COL18A1: variants seen among roughly 807,000 people sequenced by gnomAD.
The protein encoded by COL18A1 is collagen type XVIII alpha 1 chain.
COL18A1 carries 133 observed loss-of-function variants against 168.0 expected under a neutral mutation model. That is an observed-to-expected ratio of 0.79 (90% confidence interval 0.69 to 0.91). The LOEUF is 0.91. Ranked by LOEUF, COL18A1 falls within the 40% of genes least tolerant of loss-of-function variation. COL18A1 has a pLI of 0.00. For missense variants in COL18A1, 2,126 were observed against 1,925.4 expected (o/e 1.10, Z -1.95); for synonymous variants, 949 against 809.0 (o/e 1.17, Z -2.94).
intron 33 of COL18A1, 172 bp from the exon 34 acceptor site, chr21:45,504,244 T>C: frequency 1.1e-6 from 1 of 884,654 alleles, no homozygotes; most frequent in South Asian, 1.6e-5. Context: ...TTTGGGGGAC[T>C]CGGCTGATGC....
At chr21:45,429,447 C>T (rs544430622) in intron 2 of COL18A1, among the ~76,000 whole-genome samples, 6 of 152,282 alleles carry the variant, frequency 3.9e-5, no homozygotes, top group Admixed American at 1.3e-4. Context: ...AGTCAGCGGA[C>T]GTTGATTGGC....
intron 39 of COL18A1, 139 bp from the exon 40 acceptor site, chr21:45,509,925 T>C (rs775740400): frequency 4.1e-5 from 40 of 981,608 alleles, no homozygotes; most frequent in Middle Eastern, 3.2e-4. Flanking sequence ...GGCCCCTCAG[T>C]GTGTCACTTG....
intron 2 of COL18A1, among the ~76,000 whole-genome samples, chr21:45,445,075 C>G (rs1028556038): frequency 6.6e-6 from 1 of 152,212 alleles, no homozygotes; most frequent in Non-Finnish European, 1.5e-5. Context: ...TCATCCCCAT[C>G]GACCGTGGAA....
At chr21:45,475,866 A>G (rs934220680) in intron 5 of COL18A1, among the ~76,000 whole-genome samples, 1 of 152,248 alleles carries the variant, frequency 6.6e-6, no homozygotes, top group African/African-American at 2.4e-5. Context: ...CGTGGCCATC[A>G]GGGAATGAAC....
chr21:45,482,352 G>A (rs1454765680), intron 14 of COL18A1: 1 of 682,484 alleles, frequency 1.5e-6, no homozygotes, highest in South Asian at 1.4e-5. Context: ...CAAGGAGCCG[G>A]GGCCCCAGGC....
chr21:45,486,997 G>C lies in COL18A1; in HGVS notation c.1833+5G>C. ...CCAGGACTCCCCGCTGGATTTGTGA[G>C]TACCGCCTACACCTGACCCCCTGGA... is the stretch of plus-strand genomic sequence containing the variant. On this transcript the variant is annotated splice_donor_5th_base_variant and intron_variant, in intron 16 of 41. Coordinates refer to ENST00000651438, the MANE Select transcript of COL18A1 (RefSeq NM_001379500.1). 6.6e-7 allele frequency: 1 copy of C among 1,523,268 alleles called. No homozygotes were observed. The highest frequency in any genetic ancestry group is 8.7e-7 in the Non-Finnish European group (1 of 1,143,520). 94.4% of individuals were successfully genotyped at this position (1,523,268 alleles called of 1,614,324 possible). A position where few individuals can be genotyped will look rare whatever the true frequency, so the allele number is the denominator to read the frequency against.
rs181807938 is a variant in COL18A1 at position 45,482,025 on chromosome 21, G to A, written c.1674G>A (p.Leu558=). Reference sequence around the variant, plus strand: ...GAAGGACTGGGCAGAAAGGCAGCCTGGTAAGTCTTCCCTCGAGTCCAGGGT... The same window carrying A: ...GAAGGACTGGGCAGAAAGGCAGCCTAGTAAGTCTTCCCTCGAGTCCAGGGT... The part of the protein sequence containing the change: ...PPGRTGQKGS[L]GEAGAPGHKG... The change falls in exon 14 of 42, where the codon CTG becomes CTA. Residue 558 remains leucine, a splice_region_variant and synonymous_variant. Coordinates refer to ENST00000651438, the MANE Select transcript of COL18A1 (RefSeq NM_001379500.1). 6.2e-6 allele frequency: 10 copies of A among 1,612,800 alleles called. No homozygotes were observed. The highest frequency in any genetic ancestry group is 2.2e-5 in the East Asian group (1 of 44,872).
intron 2 of COL18A1, among the ~76,000 whole-genome samples, chr21:45,406,208 G>T (rs1443536167): frequency 6.6e-6 from 1 of 152,152 alleles, no homozygotes; most frequent in Non-Finnish European, 1.5e-5. Flanking sequence ...AGGCCCGGGG[G>T]AGGCGGCGGG....
intron 2 of COL18A1, among the ~76,000 whole-genome samples, chr21:45,436,714 G>C (rs77087385): frequency 0.19 from 28,959 of 151,184 alleles, 3,503 homozygotes; most frequent in African/African-American, 0.34. Flanking sequence ...GGGACTGCTG[G>C]TGGGGGGCCC....
chr21:45,444,683 C>A lies in COL18A1; in HGVS notation c.107-23559C>A, dbSNP rs141172731. 3.7e-3 allele frequency among the ~76,000 whole-genome samples: 560 copies of A among 152,212 alleles called. 5 individuals carry two copies. Among genetic ancestry groups the A allele is most frequent in the African/African-American group, 0.013 (533 of 41,522 alleles). On this transcript the variant is annotated intron_variant, in intron 2 of 41. Transcript: ENST00000651438. ...GAGGCTGTGAGCCAGGGAGGAAACA[C>A]TACTCCACGTGTTAGGAGGAAGCCA...
rs200027101 is a variant in COL18A1 at position 45,497,028 on chromosome 21, C to T, written c.2578-22C>T. 4.6e-4 allele frequency: 736 copies of T among 1,589,498 alleles called. 1 individual carries two copies. The highest frequency in any genetic ancestry group is 6.9e-4 in the Middle Eastern group (4 of 5,794). ...ATTTCAGAACATCGCCCTCAGCAGC[C>T]GCCTCTCCCCGTTCCTTGCAGGTGT... is the stretch of plus-strand genomic sequence containing the variant. On this transcript the variant is annotated intron_variant, in intron 30 of 41. Transcript: ENST00000651438.
chr21:45,460,776 C>T (rs908816368), intron 2 of COL18A1, among the ~76,000 whole-genome samples: 3 of 151,890 alleles, frequency 2.0e-5, no homozygotes, highest in South Asian at 2.1e-4. Context: ...AATATTTTTT[C>T]GATGATGCTG....
intron 37 of COL18A1, chr21:45,506,368 C>A (rs139595039): frequency 2.8e-5 from 10 of 350,958 alleles, no homozygotes; most frequent in South Asian, 2.2e-4. Flanking sequence ...CAGGCTGTCC[C>A]GTGGCTCTGC....
chr21:45,457,719 G>A lies in COL18A1; in HGVS notation c.107-10523G>A, dbSNP rs2034889557. On this transcript the variant is annotated intron_variant, in intron 2 of 41. Coordinates refer to ENST00000651438, the MANE Select transcript of COL18A1 (RefSeq NM_001379500.1). The surrounding 1 kb of genome is among the most constrained non-coding windows in gnomAD (Gnocchi z 4.6). ...ATGTGCACCTGGCAGCCTTGGCCCA[G>A]AGGCCCTATCCCCGCAGGGTGAGGT... Among the ~76,000 whole-genome samples, 1 of 152,206 alleles carries A rather than the reference G, an allele frequency of 6.6e-6. No homozygotes were observed. The highest frequency in any genetic ancestry group is 6.5e-5 in the Admixed American group (1 of 15,284).
chr21:45,478,166 T>TGTGGGTGTGAGGAGGCTCCTGGC, intron 8 of COL18A1, 161 bp from the exon 9 acceptor site: 1 of 923,172 alleles, frequency 1.1e-6, no homozygotes, highest in Middle Eastern at 3.1e-4. Context: ...ACACAGCCCT[T>TGTGGGTGTGAGGAGGCTCCTGGC]GTGGGTGTGA....
chr21:45,470,034 C>T (rs1326859334), intron 3 of COL18A1, among the ~76,000 whole-genome samples: 4 of 152,212 alleles, frequency 2.6e-5, no homozygotes, highest in South Asian at 2.1e-4. Context: ...CCACAAGTGC[C>T]GTACATCTTT....
At chr21:45,461,150 C>T (rs1487267191) in intron 2 of COL18A1, among the ~76,000 whole-genome samples, 1 of 152,142 alleles carries the variant, frequency 6.6e-6, no homozygotes, top group East Asian at 1.9e-4. Flanking sequence ...CATTAGACCT[C>T]TAGAACTTAC....
rs1476774559 is a variant in COL18A1, at chr21:45,490,624, C to CCA, written c.2032-211_2032-210insAC. On this transcript the variant is annotated intron_variant, in intron 20 of 41. Transcript: ENST00000651438. ...CCCGGGTCCCTGGGCCTTCGTGTGC[C>CCA]CTCCCAGGTCTCTGGGCCTCCGTGT... Among the ~76,000 whole-genome samples the CCA allele has an allele frequency of 3.2e-3, 471 of 148,968 alleles. 4 individuals are homozygous for CCA. Among genetic ancestry groups the CCA allele is most frequent in the African/African-American group, 0.011 (427 of 40,384 alleles).
chr21:45,461,633 G>A (rs1272700338), intron 2 of COL18A1, among the ~76,000 whole-genome samples: 1 of 152,152 alleles, frequency 6.6e-6, no homozygotes, highest in African/African-American at 2.4e-5. Flanking sequence ...TGGCACACAC[G>A]CATATTTGTC....
Sources: gnomAD v4.1 joint callset for allele counts (sites outside exome capture counted in the v4.1 genomes callset) on GRCh38, gnomAD v4.1.1 for gene constraint, Gnocchi (gnomAD v3.1) non-coding constraint, MANE v1.5 for transcripts, NCBI Gene and HGNC (gene_info 2026-07-23, HGNC 2026-07-21) for gene names.